Variants in PLXDC1 observed in about 807,000 individuals in gnomAD.
PLXDC1 encodes plexin domain containing 1.
PLXDC1 carries 39 observed loss-of-function variants against 61.3 expected under a neutral mutation model. That is an observed-to-expected ratio of 0.64 (90% CI 0.49 to 0.83). PLXDC1 has a LOEUF of 0.83. Among genes scored for constraint, PLXDC1 ranks in the 40% least tolerant of loss-of-function variants. The probability of loss-of-function intolerance (pLI) is 0.00; values close to 1 mark genes in which losing one functional copy is unlikely to be tolerated. For synonymous variants in PLXDC1, 212 were observed against 254.5 expected (o/e 0.83, Z 1.59); for missense variants, 596 against 666.5 (o/e 0.89, Z 1.17).
At chr17:39,142,158 C>CAT (rs1352559161) in intron 1 of PLXDC1, among the ~76,000 whole-genome samples, 2 of 152,178 alleles carry the variant, frequency 1.3e-5, no homozygotes, top group Non-Finnish European at 2.9e-5. Flanking sequence ...CGTCTCCAAA[C>CAT]ATTGCCAAAT....
At position 39,063,575 on chromosome 17, in the gene PLXDC1, T is replaced by C; in HGVS notation, c.*4265A>G. On this transcript the variant is annotated 3_prime_UTR_variant, in exon 14 of 14. Transcript: ENST00000315392. ...TGTGTGGTGATCTTCGGAATGCCAC[T>C]CCAAATCCTTTGCACTTTCTTTTGC... is the stretch of plus-strand genomic sequence containing the variant. 2.9e-6 allele frequency: 2 copies of C among 688,280 alleles called. No homozygotes were observed. The highest frequency in any genetic ancestry group is 4.3e-5 in the Admixed American group (2 of 46,138). The allele number at this position is 688,280 out of a possible 1,614,324, so 42.6% of individuals were successfully genotyped here. A position where few individuals can be genotyped will look rare whatever the true frequency, so the allele number is the denominator to read the frequency against.
intron 8 of PLXDC1, among the ~76,000 whole-genome samples, chr17:39,084,255 T>C (rs1909664958): frequency 6.6e-6 from 1 of 152,174 alleles, no homozygotes; most frequent in South Asian, 2.1e-4. Context: ...GAATCTACTG[T>C]ATAACATGAG....
chr17:39,104,978 C>T (rs1910544370), intron 7 of PLXDC1, among the ~76,000 whole-genome samples: 1 of 152,172 alleles, frequency 6.6e-6, no homozygotes, highest in South Asian at 2.1e-4. Context: ...AACGGCGGTA[C>T]CTTGCCCTTC....
chr17:39,122,765 T>A (rs1462912640), intron 2 of PLXDC1, among the ~76,000 whole-genome samples: 1 of 152,236 alleles, frequency 6.6e-6, no homozygotes, highest in African/African-American at 2.4e-5. Context: ...GAATGATGTT[T>A]CCTTGAAATG....
At chr17:39,098,716 T>C (rs913020076) in intron 7 of PLXDC1, among the ~76,000 whole-genome samples, 3 of 152,168 alleles carry the variant, frequency 2.0e-5, no homozygotes, top group African/African-American at 7.2e-5. Context: ...GCATCTGACC[T>C]GGGCCGCTGG....
chr17:39,106,648 C>CTTTTTTTTTTTT (rs199666120), intron 6 of PLXDC1, among the ~76,000 whole-genome samples: 7 of 122,586 alleles, frequency 5.7e-5, no homozygotes, highest in African/African-American at 6.9e-5. Context: ...TTTTCTTTTT[C>CTTTTTTTTTTTT]TTTCTTTTTT....
intron 7 of PLXDC1, among the ~76,000 whole-genome samples, chr17:39,104,505 G>A (rs1219313312): frequency 6.6e-6 from 1 of 152,144 alleles, no homozygotes; most frequent in African/African-American, 2.4e-5. Context: ...GGTTTGGGGT[G>A]GGGCATGGGG....
chr17:39,109,747 A>T (rs1910732209), intron 2 of PLXDC1, among the ~76,000 whole-genome samples: 1 of 152,162 alleles, frequency 6.6e-6, no homozygotes, highest in South Asian at 2.1e-4. Flanking sequence ...ATAAGGGAGG[A>T]ACAGACAGGA....
chr17:39,109,514 A>T (rs1487785253), intron 2 of PLXDC1, 123 bp from the exon 3 acceptor site: 1 of 1,212,798 alleles, frequency 8.2e-7, no homozygotes, highest in East Asian at 2.6e-5. Context: ...AGGGTGCTGG[A>T]CCTGTGGCCC....
chr17:39,114,748 A>T (rs144936574), intron 2 of PLXDC1, among the ~76,000 whole-genome samples: 1 of 152,326 alleles, frequency 6.6e-6, no homozygotes, highest in African/African-American at 2.4e-5. Context: ...AGGTGCTCTC[A>T]GGTAAGTCTC....
chr17:39,125,833 T>C (rs1823775602), intron 2 of PLXDC1, among the ~76,000 whole-genome samples: 1 of 152,198 alleles, frequency 6.6e-6, no homozygotes, highest in Non-Finnish European at 1.5e-5. Context: ...TTATTGAGCA[T>C]TTAGGTAGCT....
At chr17:39,096,559 C>T (rs1910209573) in intron 7 of PLXDC1, among the ~76,000 whole-genome samples, 2 of 152,174 alleles carry the variant, frequency 1.3e-5, no homozygotes, top group Non-Finnish European at 2.9e-5. Context: ...AAGGTACACA[C>T]AGCTCAGGCC....
chr17:39,070,935 A>G (rs1909090816), intron 12 of PLXDC1, among the ~76,000 whole-genome samples: 1 of 152,172 alleles, frequency 6.6e-6, no homozygotes, highest in Non-Finnish European at 1.5e-5. Context: ...CCGAGATCGC[A>G]CCACTGCACT....
At chr17:39,083,219 C>G (rs1909624184) in intron 9 of PLXDC1, among the ~76,000 whole-genome samples, 1 of 152,200 alleles carries the variant, frequency 6.6e-6, no homozygotes, top group Admixed American at 6.5e-5. Context: ...TCCGAGAAGC[C>G]CTGTTCCAGG....
At chr17:39,126,371 C>T (rs909921904) in intron 2 of PLXDC1, among the ~76,000 whole-genome samples, 14 of 152,114 alleles carry the variant, frequency 9.2e-5, no homozygotes, top group Admixed American at 6.6e-5. Flanking sequence ...AGCAAAGCAA[C>T]GTATAATGAA....
chr17:39,127,139 C>A (rs1306244468), intron 2 of PLXDC1: 3 of 152,148 alleles, frequency 2.0e-5, no homozygotes, highest in Non-Finnish European at 4.4e-5. Context: ...CTTTCTCAAG[C>A]AATCAGTGCA....
At chr17:39,116,049 T>A (rs1226301489) in intron 2 of PLXDC1, among the ~76,000 whole-genome samples, 1 of 151,956 alleles carries the variant, frequency 6.6e-6, no homozygotes, top group Non-Finnish European at 1.5e-5. Flanking sequence ...AATCCAGGAG[T>A]GGAGGTTGCT....
intron 7 of PLXDC1, among the ~76,000 whole-genome samples, chr17:39,088,717 G>T (rs1909832529): frequency 6.6e-6 from 1 of 152,028 alleles, no homozygotes; most frequent in Admixed American, 6.6e-5. Flanking sequence ...GAGGCAGGTG[G>T]ATCACTTGAG....
At position 39,087,588 on chromosome 17, in the gene PLXDC1, C is replaced by T. The variant is rs776987888; in HGVS notation, c.907+19G>A. On this transcript the variant is annotated intron_variant, in intron 8 of 13. Coordinates refer to ENST00000315392, the MANE Select transcript of PLXDC1 (RefSeq NM_020405.5). ...GACTCCAGAGCTCTTTCTGGGATGG[C>T]GGAATGACCCCTACTCACTCGGCAA... The T allele has an allele frequency of 3.1e-6, 5 of 1,590,438 alleles. No homozygotes were observed. Among genetic ancestry groups the T allele is most frequent in the Non-Finnish European group, 4.3e-6 (5 of 1,158,776 alleles).
Sources: gnomAD v4.1 joint callset for allele counts (sites outside exome capture counted in the v4.1 genomes callset) on GRCh38, gnomAD v4.1.1 for gene constraint, MANE v1.5 for transcripts, NCBI Gene and HGNC (gene_info 2026-07-23, HGNC 2026-07-21) for gene names.